The following KLHL20 variants were observed in gnomAD, a reference collection of about 807,000 sequenced individuals.
KLHL20 encodes kelch like family member 20, also known as kelch-like protein 20.
Under a neutral mutation model 69.5 loss-of-function variants are expected in KLHL20, and 29 were observed. The observed-to-expected ratio is 0.42, with a 90% confidence interval of 0.31 to 0.57. The LOEUF (loss-of-function observed/expected upper bound fraction) is 0.57, where lower values mean the gene tolerates loss of function less well. KLHL20 is among the 20% of genes least tolerant of loss of function. KLHL20 has a pLI of 0.18. For synonymous variants in KLHL20, 253 were observed against 265.2 expected (o/e 0.95, Z 0.45); for missense variants, 419 against 776.0 (o/e 0.54, Z 5.47).
chr1:173,782,918 A>C (rs1194068673), intron 11 of KLHL20, among the ~76,000 whole-genome samples: 1 of 152,050 alleles, frequency 6.6e-6, no homozygotes, highest in Non-Finnish European at 1.5e-5. Context: ...AAATTCTCTT[A>C]AACCTTTAAA....
At chr1:173,761,462 T>C (rs1008177350) in intron 7 of KLHL20, among the ~76,000 whole-genome samples, 1 of 152,132 alleles carries the variant, frequency 6.6e-6, no homozygotes, top group Non-Finnish European at 1.5e-5. Context: ...TGGAACTTTC[T>C]CCAAGATAGA....
intron 7 of KLHL20, among the ~76,000 whole-genome samples, chr1:173,758,858 G>C (rs879889147): frequency 6.6e-6 from 1 of 152,200 alleles, no homozygotes; most frequent in Non-Finnish European, 1.5e-5. Context: ...AATTTGAACA[G>C]GGTGAGAAGC....
chr1:173,734,178 A>G lies in KLHL20; in HGVS notation c.489A>G (p.Arg163=). 1.2e-6 allele frequency: 2 copies of G among 1,614,188 alleles called. No homozygotes were observed. The highest frequency in any genetic ancestry group is 2.2e-5 in the East Asian group (1 of 44,894). ...AAGCCTGCTGTGAATTCTTAAAGAG[A>G]CAATTAGATCCTTCTAACTGCCTGG... is the stretch of plus-strand genomic sequence containing the variant. ...IQEACCEFLK[R]QLDPSNCLGI... is the part of the protein sequence containing the mutation. The change falls in exon 3 of 12, where the codon AGA becomes AGG. Residue 163 remains arginine, a synonymous_variant. Coordinates refer to ENST00000209884, the MANE Select transcript of KLHL20 (RefSeq NM_014458.4).
At chr1:173,755,863 T>C (rs1673527644) in intron 5 of KLHL20, 60 bp from the exon 6 acceptor site, 1 of 1,123,570 alleles carries the variant, frequency 8.9e-7, no homozygotes, top group African/African-American at 1.6e-5. Context: ...TAAACTACAT[T>C]GGGACTTAAC....
chr1:173,737,112 G>A (rs1672572852), intron 3 of KLHL20, among the ~76,000 whole-genome samples: 1 of 152,170 alleles, frequency 6.6e-6, no homozygotes, highest in Non-Finnish European at 1.5e-5. Context: ...ATTCCTTGTA[G>A]ATTCTGGATA....
chr1:173,756,128 T>C, intron 6 of KLHL20, 90 bp downstream of exon 6: 1 of 879,348 alleles, frequency 1.1e-6, no homozygotes, highest in South Asian at 1.5e-5. Flanking sequence ...TTATGATATT[T>C]ACTGTCATAA....
chr1:173,745,979 T>G (rs546098187), intron 3 of KLHL20, among the ~76,000 whole-genome samples: 1 of 152,254 alleles, frequency 6.6e-6, no homozygotes, highest in South Asian at 2.1e-4. Flanking sequence ...AAAAAAGTAT[T>G]CATGTCCAAC....
At chr1:173,769,458 A>G (rs1647944307) in intron 8 of KLHL20, among the ~76,000 whole-genome samples, 1 of 152,138 alleles carries the variant, frequency 6.6e-6, no homozygotes, top group African/African-American at 2.4e-5. Context: ...CCTTGAAAAG[A>G]GAAAGCCAAG....
chr1:173,724,420 C>T (rs1293591052), intron 2 of KLHL20, among the ~76,000 whole-genome samples: 7 of 152,048 alleles, frequency 4.6e-5, no homozygotes, highest in Non-Finnish European at 7.4e-5. Context: ...GAATTTTCCA[C>T]AGTCTATAGC....
chr1:173,738,946 G>A (rs1672663787), intron 3 of KLHL20, among the ~76,000 whole-genome samples: 2 of 152,212 alleles, frequency 1.3e-5, no homozygotes, highest in Admixed American at 1.3e-4. Flanking sequence ...ATACTGGTCT[G>A]TAGTTTTGTT....
At chr1:173,722,940 T>C (rs1671781274) in intron 2 of KLHL20, among the ~76,000 whole-genome samples, 1 of 152,184 alleles carries the variant, frequency 6.6e-6, no homozygotes, top group Non-Finnish European at 1.5e-5. Flanking sequence ...TCCAGCCACC[T>C]CTGCCTCCCA....
At position 173,755,302 on chromosome 1, in the gene KLHL20, C is replaced by T. The variant is rs183879195; in HGVS notation, c.852-621C>T. 3.8e-3 allele frequency among the ~76,000 whole-genome samples: 583 copies of T among 152,160 alleles called. 4 individuals carry two copies. The highest frequency in any genetic ancestry group is 0.012 in the African/African-American group (501 of 41,516). ...TCAATCTCTTGACCTCATGATCCAC[C>T]GCCCCTCAGCCTCCCAAAGTGCTGG... On this transcript the variant is annotated intron_variant, in intron 5 of 11. Transcript: ENST00000209884.
Position 173,716,012 on chromosome 1 carries a change from TA to T in KLHL20, c.-31del. On this transcript the variant is annotated 5_prime_UTR_variant, in exon 2 of 12. Transcript: ENST00000209884. ...TTTTCTGTTGTCTTAGGTTCGGCTT[TA>T]GAGTGTGGTGAAGGGTACTTTTCAT... 1 of 1,612,108 alleles carries T rather than the reference TA, an allele frequency of 6.2e-7. No individual in the cohort carries two copies. Among genetic ancestry groups the T allele is most frequent in the Non-Finnish European group, 8.5e-7 (1 of 1,178,744 alleles).
intron 8 of KLHL20, among the ~76,000 whole-genome samples, chr1:173,768,061 G>C (rs995628307): frequency 6.6e-6 from 1 of 151,968 alleles, no homozygotes; most frequent in Non-Finnish European, 1.5e-5. Context: ...TTTTTTTCCT[G>C]AATCTACCTG....
chr1:173,753,364 A>T (rs1056358930), intron 5 of KLHL20, 57 bp downstream of exon 5: 1 of 1,283,596 alleles, frequency 7.8e-7, no homozygotes, highest in South Asian at 1.2e-5. Flanking sequence ...TTTTTTCCTA[A>T]TTTCCTTATT....
rs574918633 is a variant in KLHL20 at position 173,723,818 on chromosome 1, C to T, written c.23+7752C>T. On this transcript the variant is annotated intron_variant, in intron 2 of 11. Transcript: ENST00000209884. ...TTTAGAATCAGAAACAGAAATATAA[C>T]GATCTGGAGCATGGATGTGAGATAT... 7.2e-5 allele frequency among the ~76,000 whole-genome samples: 11 copies of T among 152,244 alleles called. No homozygotes were observed. In the East Asian group the frequency reaches 1.2e-3, roughly 16 times the overall value.
intron 8 of KLHL20, among the ~76,000 whole-genome samples, 192 bp downstream of exon 8, chr1:173,766,481 A>C (rs934168805): frequency 7.2e-6 from 1 of 139,738 alleles, no homozygotes; most frequent in Non-Finnish European, 1.5e-5. Flanking sequence ...AAAAAATACA[A>C]AAAAAAAAAA....
chr1:173,725,483 C>T (rs1227476947), intron 2 of KLHL20, among the ~76,000 whole-genome samples: 2 of 152,188 alleles, frequency 1.3e-5, no homozygotes, highest in Non-Finnish European at 2.9e-5. Context: ...GTGAAGAACA[C>T]CAACTTGTAA....
Position 173,786,405 on chromosome 1 carries a change from A to G in KLHL20, c.*1158A>G, listed in dbSNP as rs1649205028. On this transcript the variant is annotated 3_prime_UTR_variant, in exon 12 of 12. Coordinates refer to ENST00000209884, the MANE Select transcript of KLHL20 (RefSeq NM_014458.4). ...AAATTTTTAAGGAAAAAATAATTTC[A>G]ATGGTTAAAGTTTTTTTTCCTCATT... The G allele has an allele frequency of 6.6e-6, 1 of 152,614 alleles. No individual in the cohort carries two copies. Among genetic ancestry groups the G allele is most frequent in the African/African-American group, 2.4e-5 (1 of 41,448 alleles). 9.5% of individuals were successfully genotyped at this position (152,614 alleles called of 1,614,324 possible).
Sources: gnomAD v4.1 joint callset for allele counts (sites outside exome capture counted in the v4.1 genomes callset) on GRCh38, gnomAD v4.1.1 for gene constraint, MANE v1.5 for transcripts, NCBI Gene and HGNC (gene_info 2026-07-23, HGNC 2026-07-21) for gene names.